The following ATP10B variants were observed in gnomAD, a reference collection of about 807,000 sequenced individuals.
ATP10B encodes the protein ATPase phospholipid transporting 10B (putative), also known as phospholipid-transporting ATPase VB.
A neutral mutation model predicts 141.2 loss-of-function variants in ATP10B; 122 were observed. The observed-to-expected ratio is 0.86, with a 90% CI of 0.75 to 1.00. The LOEUF (loss-of-function observed/expected upper bound fraction) is 1.00. Ranked by LOEUF, ATP10B falls within the 50% of genes least tolerant of loss-of-function variation. The pLI is 0.00. For missense variants in ATP10B, 1,876 were observed against 1,825.3 expected, an observed-to-expected ratio of 1.03 and a Z score of -0.51; for synonymous variants, 685 against 692.0, an observed-to-expected ratio of 0.99 and a Z score of 0.16.
the ATP10B span, among the ~76,000 whole-genome samples, chr5:160,894,631 C>T: frequency 6.6e-6 from 1 of 152,162 alleles, no homozygotes; most frequent in Non-Finnish European, 1.5e-5. Context: ...AAACACTCTT[C>T]AGGATATTAC....
At chr5:160,765,458 T>C (rs1769331998) in intron 2 of ATP10B, among the ~76,000 whole-genome samples, 1 of 151,962 alleles carries the variant, frequency 6.6e-6, no homozygotes, top group Admixed American at 6.6e-5. Flanking sequence ...AAACATAAAA[T>C]GGGGGAAACG....
the ATP10B span, among the ~76,000 whole-genome samples, chr5:160,921,996 G>A: frequency 2.0e-5 from 3 of 152,340 alleles, no homozygotes; most frequent in Admixed American, 1.3e-4. Context: ...TGTGTCCTCT[G>A]ATAGAGATGG....
rs548762961 is a variant in ATP10B, at chr5:160,804,458, G to A, written c.-575-18655C>T. ...TCAGCTCCTGTGCTAGGATCTTCAC[G>A]TGCATTATCTTACATGTGAGAATGG... On this transcript the variant is annotated intron_variant, in intron 1 of 25. Transcript: ENST00000327245. 4.6e-5 allele frequency among the ~76,000 whole-genome samples: 7 copies of A among 152,256 alleles called. No individual in the cohort carries two copies. In the South Asian group the frequency reaches 8.3e-4, roughly 18 times the overall value.
rs776037475 is a variant in ATP10B, at chr5:160,669,918, T to TAAAAAAAAAAAAAAAAAAAAAAAAAAAA, written c.675+544_675+545insTTTTTTTTTTTTTTTTTTTTTTTTTTTT. Among the ~76,000 whole-genome samples, 16 of 89,680 alleles carry TAAAAAAAAAAAAAAAAAAAAAAAAAAAA rather than the reference T, an allele frequency of 1.8e-4. 1 individual carries two copies. The highest frequency in any genetic ancestry group is 7.3e-4 in the African/African-American group (14 of 19,300). 58.8% of individuals were successfully genotyped at this position (89,680 alleles called of 152,430 possible). A position where few individuals can be genotyped will look rare whatever the true frequency, so the allele number is the denominator to read the frequency against. On this transcript the variant is annotated intron_variant, in intron 7 of 25. Transcript: ENST00000327245. ...TGCACCCAGTGGAGACCCAGTCTCTTAAAAAAAAAAAGATATCAGTGATCT... is the reference window on the plus strand; with the variant it reads ...TGCACCCAGTGGAGACCCAGTCTCTTAAAAAAAAAAAAAAAAAAAAAAAAAAAAAAAAAAAAAAAGATATCAGTGATCT...
the ATP10B span, among the ~76,000 whole-genome samples, chr5:160,881,305 A>G: frequency 6.6e-6 from 1 of 152,214 alleles, no homozygotes; most frequent in African/African-American, 2.4e-5. Flanking sequence ...TGCTAACAAG[A>G]ATGGGGAATA....
chr5:160,597,205 C>T (rs1196852181), intron 22 of ATP10B, among the ~76,000 whole-genome samples: 3 of 152,264 alleles, frequency 2.0e-5, no homozygotes, highest in East Asian at 3.9e-4. Context: ...AGATATAGAT[C>T]AATGGAACAG....
intron 1 of ATP10B, among the ~76,000 whole-genome samples, chr5:160,847,009 G>T (rs1157525548): frequency 6.6e-6 from 1 of 152,178 alleles, no homozygotes; most frequent in East Asian, 1.9e-4. Context: ...AGATGTTCTG[G>T]CTACTTCCAA....
Position 160,565,519 on chromosome 5 carries a change from C to T in ATP10B, c.4320G>A (p.Gln1440=). 1 of 1,614,140 alleles carries T rather than the reference C, an allele frequency of 6.2e-7. No individual in the cohort carries two copies. Among genetic ancestry groups the T allele is most frequent in the South Asian group, 1.1e-5 (1 of 91,074 alleles). Reference sequence around the variant, plus strand: ...TCTTTGAGCACCGGCACATATCAGTCTGTCCTCTTGAGTAGGCCATTATCC... The same window carrying T: ...TCTTTGAGCACCGGCACATATCAGTTTGTCCTCTTGAGTAGGCCATTATCC... ...PNRIMAYSRG[Q]TDMCRCSKRS... The change falls in exon 26 of 26, where the codon CAG becomes CAA. Residue 1440 remains glutamine (Q), a synonymous_variant. Coordinates refer to ENST00000327245, the MANE Select transcript of ATP10B (RefSeq NM_025153.3).
At chr5:160,885,752 T>C in the ATP10B span, among the ~76,000 whole-genome samples, 1 of 152,186 alleles carries the variant, frequency 6.6e-6, no homozygotes, top group African/African-American at 2.4e-5. Context: ...TCCTAGTTGA[T>C]GGGATAAATC....
intron 21 of ATP10B, among the ~76,000 whole-genome samples, chr5:160,599,259 T>C (rs1454545193): frequency 6.6e-6 from 1 of 152,210 alleles, no homozygotes; most frequent in African/African-American, 2.4e-5. Flanking sequence ...TCTTAGAAAC[T>C]GCAACTTAAA....
At chr5:160,572,990 A>C (rs565896039) in intron 24 of ATP10B, among the ~76,000 whole-genome samples, 3 of 152,334 alleles carry the variant, frequency 2.0e-5, no homozygotes, top group South Asian at 4.1e-4. Context: ...ACACGTGTAC[A>C]TGTTTACCCA....
At chr5:160,888,886 G>A in the ATP10B span, among the ~76,000 whole-genome samples, 4 of 152,164 alleles carry the variant, frequency 2.6e-5, no homozygotes, top group Non-Finnish European at 5.9e-5. Context: ...GGATATTGAA[G>A]AATCCATTAA....
intron 5 of ATP10B, 47 bp from the exon 6 acceptor site, chr5:160,686,320 T>C (rs1193277249): frequency 8.0e-6 from 11 of 1,377,184 alleles, no homozygotes; most frequent in Admixed American, 7.9e-5. Context: ...AGAAGAAAAA[T>C]GTACTTTCTC....
chr5:160,633,882 G>T (rs920780893), intron 12 of ATP10B: 21 of 293,258 alleles, frequency 7.2e-5, no homozygotes, highest in African/African-American at 4.4e-4. Flanking sequence ...TCAAAACTTT[G>T]CCTCAGTGAC....
intron 2 of ATP10B, among the ~76,000 whole-genome samples, chr5:160,755,367 A>G (rs1038440838): frequency 6.6e-6 from 1 of 152,144 alleles, no homozygotes; most frequent in Non-Finnish European, 1.5e-5. Flanking sequence ...AAATCCAAAC[A>G]ATATCAGTGT....
chr5:160,575,051 G>T (rs1027090105), intron 24 of ATP10B, among the ~76,000 whole-genome samples: 3 of 151,984 alleles, frequency 2.0e-5, no homozygotes, highest in African/African-American at 7.3e-5. Context: ...TGATATAATA[G>T]AGATTAACTG....
At chr5:160,873,270 C>A in the ATP10B span, among the ~76,000 whole-genome samples, 1 of 152,000 alleles carries the variant, frequency 6.6e-6, no homozygotes, top group Non-Finnish European at 1.5e-5. Context: ...AGAATATCCA[C>A]AAAAACCTAT....
At chr5:160,603,699 G>A (rs949720700) in intron 20 of ATP10B, 9 of 457,332 alleles carry the variant, frequency 2.0e-5, no homozygotes, top group African/African-American at 1.6e-4. Flanking sequence ...AATTGTTAAT[G>A]GCTCAAAACC....
chr5:160,652,823 A>AT (rs1760878052), intron 7 of ATP10B, among the ~76,000 whole-genome samples: 1 of 96,006 alleles, frequency 1.0e-5, no homozygotes, highest in African/African-American at 5.4e-5. Context: ...ATTATATATT[A>AT]ATTATATATA....
Sources: gnomAD v4.1 joint callset for allele counts (sites outside exome capture counted in the v4.1 genomes callset) on GRCh38, gnomAD v4.1.1 for gene constraint, MANE v1.5 for transcripts, NCBI Gene and HGNC (gene_info 2026-07-23, HGNC 2026-07-21) for gene names.